Variants in KHDC4 observed in about 807,000 individuals in gnomAD.
The protein encoded by KHDC4 is KH homology domain-containing protein 4.
KHDC4 carries 19 observed loss-of-function variants against 74.5 expected under a neutral mutation model. The ratio of observed to expected loss-of-function variants is 0.26; its 90% CI spans 0.18 to 0.37. The LOEUF (loss-of-function observed/expected upper bound fraction) is 0.37, where lower values mean the gene tolerates loss of function less well. KHDC4 is among the 10% of genes least tolerant of loss of function. The pLI is 1.00. For missense variants in KHDC4, 632 were observed against 754.1 expected, an observed-to-expected ratio of 0.84 and a Z score of 1.90; for synonymous variants, 253 against 266.1, an observed-to-expected ratio of 0.95 and a Z score of 0.48.
chr1:155,918,517 T>C (rs1188771312), intron 10 of KHDC4, among the ~76,000 whole-genome samples: 1 of 152,194 alleles, frequency 6.6e-6, no homozygotes, highest in Non-Finnish European at 1.5e-5. Context: ...GGCAATTTTG[T>C]CATTTAACAA....
chr1:155,923,113 G>A (rs546118036), intron 8 of KHDC4, among the ~76,000 whole-genome samples: 2 of 151,464 alleles, frequency 1.3e-5, no homozygotes, highest in Non-Finnish European at 3.0e-5. Context: ...GCTGAGGCAG[G>A]AGAATGGCGT....
At chr1:155,916,575 G>T in intron 12 of KHDC4, 50 bp downstream of exon 12, 1 of 1,231,090 alleles carries the variant, frequency 8.1e-7, no homozygotes, top group Non-Finnish European at 1.2e-6. Context: ...TCTCACTAAT[G>T]GTGCAAACAA....
chr1:155,923,049 CA>C (rs1673901168), intron 8 of KHDC4, among the ~76,000 whole-genome samples: 1 of 151,942 alleles, frequency 6.6e-6, no homozygotes, highest in Non-Finnish European at 1.5e-5. Context: ...ACTAAAAATA[CA>C]AAAAAGTAGC....
At chr1:155,922,775 A>G (rs1170940112) in intron 8 of KHDC4, among the ~76,000 whole-genome samples, 5 of 152,190 alleles carry the variant, frequency 3.3e-5, no homozygotes, top group Non-Finnish European at 7.3e-5. Context: ...TATCCGGTAC[A>G]AGGGTTGGTA....
chr1:155,924,574 C>CTTTT (rs550965042), intron 7 of KHDC4, among the ~76,000 whole-genome samples: 1 of 132,296 alleles, frequency 7.6e-6, no homozygotes. Flanking sequence ...AATAATTTCT[C>CTTTT]TTTTTTTTTT....
chr1:155,918,073 T>TCAC (rs1673773076), intron 10 of KHDC4, among the ~76,000 whole-genome samples: 1 of 152,162 alleles, frequency 6.6e-6, no homozygotes, highest in African/African-American at 2.4e-5. Context: ...CCCTTAGTTA[T>TCAC]CACTAAGCTA....
intron 11 of KHDC4, 54 bp from the exon 12 acceptor site, chr1:155,916,791 T>G: frequency 1.7e-6 from 2 of 1,169,094 alleles, no homozygotes; most frequent in Non-Finnish European, 1.3e-6. Context: ...CCGTATTGAC[T>G]TTAGCTCCTT....
intron 10 of KHDC4, 61 bp from the exon 11 acceptor site, chr1:155,917,733 CAAT>C (rs1673762370): frequency 1.6e-6 from 2 of 1,252,418 alleles, no homozygotes; most frequent in East Asian, 5.2e-5. Flanking sequence ...AATAAGTAAA[CAAT>C]GATTACAATA....
At position 155,914,214 on chromosome 1, in the gene KHDC4, T is replaced by C; in HGVS notation, c.1752A>G (p.Ala584=). 1 of 1,614,102 alleles carries C rather than the reference T, an allele frequency of 6.2e-7. No homozygotes were observed. Among genetic ancestry groups the C allele is most frequent in the South Asian group, 1.1e-5 (1 of 91,088 alleles). Residue 584 remains alanine, a synonymous_variant, in exon 14 of 14, where the codon GCA becomes GCG. Transcript: ENST00000368321. ...EEEEHGGHKN[A]SSFPQGWSLG... is the part of the protein sequence containing the mutation. ...AACTCCAGCCCTGTGGAAAACTACT[T>C]GCATTTTTATGACCTCCATGTTCCT... is the stretch of plus-strand genomic sequence containing the variant.
At chr1:155,930,957 G>T (rs1413491302) in intron 2 of KHDC4, among the ~76,000 whole-genome samples, 1 of 152,090 alleles carries the variant, frequency 6.6e-6, no homozygotes, top group African/African-American at 2.4e-5. Flanking sequence ...GTTGCAATGA[G>T]CCGAGATCAC....
At chr1:155,914,796 C>CT (rs1459001549) in intron 13 of KHDC4, 1 of 159,562 alleles carries the variant, frequency 6.3e-6, no homozygotes, top group Non-Finnish European at 1.4e-5. Context: ...CTGACCATTA[C>CT]TGACCAATAG....
chr1:155,914,629 T>C (rs1673693301), intron 13 of KHDC4: 1 of 277,196 alleles, frequency 3.6e-6, no homozygotes, highest in East Asian at 7.2e-5. Flanking sequence ...ATTTCACCTT[T>C]TAAAGAGTTA....
chr1:155,917,475 G>A (rs1401226763), intron 11 of KHDC4, 24 bp downstream of exon 11: 1 of 1,578,866 alleles, frequency 6.3e-7, no homozygotes, highest in Non-Finnish European at 8.7e-7. Context: ...GGTGAAGATA[G>A]GAAAACAGGG....
At chr1:155,916,101 TC>T in intron 12 of KHDC4, 137 bp from the exon 13 acceptor site, 1 of 617,842 alleles carries the variant, frequency 1.6e-6, no homozygotes, top group South Asian at 2.1e-5. Context: ...CCTTCCACCT[TC>T]CCCCAGCCCC....
At chr1:155,924,058 C>G (rs1219074377) in intron 7 of KHDC4, among the ~76,000 whole-genome samples, 1 of 152,168 alleles carries the variant, frequency 6.6e-6, no homozygotes, top group Non-Finnish European at 1.5e-5. Context: ...TGGTTCACGC[C>G]TGTAATCCCA....
intron 8 of KHDC4, 191 bp from the exon 9 acceptor site, chr1:155,922,109 T>G: frequency 2.5e-6 from 1 of 401,110 alleles, no homozygotes; most frequent in East Asian, 5.2e-5. Flanking sequence ...TCACCCAGGC[T>G]GGAGTGCAGT....
At chr1:155,917,815 T>G (rs769072178) in intron 10 of KHDC4, 143 bp from the exon 11 acceptor site, 46 of 700,414 alleles carry the variant, frequency 6.6e-5, no homozygotes, top group Non-Finnish European at 1.0e-4. Flanking sequence ...TCATGTATAA[T>G]TTGGTAACAT....
At chr1:155,928,951 CAA>C (rs11406084) in intron 4 of KHDC4, among the ~76,000 whole-genome samples, 19 of 93,112 alleles carry the variant, frequency 2.0e-4, no homozygotes, top group African/African-American at 1.7e-4. Flanking sequence ...GACTCCATCT[CAA>C]AAAAAAAAAA....
intron 4 of KHDC4, among the ~76,000 whole-genome samples, 163 bp downstream of exon 4, chr1:155,929,133 T>G (rs759133187): frequency 6.6e-6 from 1 of 152,140 alleles, no homozygotes; most frequent in Non-Finnish European, 1.5e-5. Context: ...TCCCAACATC[T>G]TGTATCTGTT....
Sources: allele counts gnomAD v4.1 joint callset (sites outside exome capture counted in the v4.1 genomes callset), GRCh38; gene constraint gnomAD v4.1.1; transcripts MANE v1.5; gene names NCBI Gene and HGNC (gene_info 2026-07-23, HGNC 2026-07-21).